The following ART3 variants were observed in gnomAD, a reference collection of about 807,000 sequenced individuals.
ART3 encodes the protein ecto-ADP-ribosyltransferase 3.
In ART3, 49 loss-of-function variants were observed where a neutral mutation model predicts 48.5. The observed-to-expected ratio is 1.01, with a 90% confidence interval of 0.80 to 1.28. The LOEUF is 1.28. ART3 is among the 50% of genes most tolerant of loss of function. The pLI is 0.00. For missense variants in ART3, 438 were observed against 454.3 expected (o/e 0.96, Z 0.33); for synonymous variants, 145 against 157.2 (o/e 0.92, Z 0.58).
intron 1 of ART3, among the ~76,000 whole-genome samples, chr4:76,038,568 G>T (rs1578270248): frequency 6.6e-6 from 1 of 152,216 alleles, no homozygotes; most frequent in South Asian, 2.1e-4. Flanking sequence ...TGTTCTTGGA[G>T]CTCATAAATC....
intron 1 of ART3, among the ~76,000 whole-genome samples, chr4:76,047,521 A>G (rs1294113394): frequency 6.6e-6 from 1 of 151,794 alleles, no homozygotes; most frequent in East Asian, 1.9e-4. Context: ...AGGCAGAAGG[A>G]TTTTCTTCCT....
chr4:76,025,734 A>G (rs1257155401), intron 1 of ART3, among the ~76,000 whole-genome samples: 1 of 152,132 alleles, frequency 6.6e-6, no homozygotes, highest in Non-Finnish European at 1.5e-5. Flanking sequence ...TGAATTAGTA[A>G]TTTGTTTCTC....
intron 1 of ART3, among the ~76,000 whole-genome samples, chr4:76,060,085 A>G (rs1357215867): frequency 1.3e-5 from 2 of 152,290 alleles, no homozygotes; most frequent in Admixed American, 6.5e-5. Flanking sequence ...GTTGCCTTGC[A>G]TGGAGTCAGG....
chr4:76,109,818 C>T (rs4241583), intron 11 of ART3, among the ~76,000 whole-genome samples: 84,160 of 152,094 alleles, frequency 0.55, 25,756 homozygotes, highest in African/African-American at 0.82. Context: ...TGCCTATCCA[C>T]TTCTCTGTGT....
chr4:76,100,411 T>A (rs1229963998), intron 6 of ART3, 91 bp downstream of exon 6: 19 of 1,300,100 alleles, frequency 1.5e-5, no homozygotes, highest in Non-Finnish European at 2.0e-5. Context: ...GGCGGGAGGA[T>A]CATGAGGTCA....
At chr4:76,048,642 TC>T (rs1735744057) in intron 1 of ART3, among the ~76,000 whole-genome samples, 1 of 151,880 alleles carries the variant, frequency 6.6e-6, no homozygotes, top group Non-Finnish European at 1.5e-5. Context: ...ACCCTGCTGA[TC>T]AGAATAGTTG....
intron 1 of ART3, among the ~76,000 whole-genome samples, chr4:76,062,298 T>G (rs567557696): frequency 1.1e-4 from 16 of 152,358 alleles, no homozygotes; most frequent in African/African-American, 3.8e-4. Flanking sequence ...ATTTGACTTA[T>G]GTTCTAATGA....
upstream of ART3, among the ~76,000 whole-genome samples, chr4:76,071,025 A>G (rs948370845): frequency 5.9e-5 from 9 of 151,986 alleles, no homozygotes. Context: ...CTACTAGATC[A>G]TATCCAACAT....
intron 4 of ART3, among the ~76,000 whole-genome samples, chr4:76,098,754 T>C (rs894246835): frequency 6.6e-6 from 1 of 152,100 alleles, no homozygotes; most frequent in Non-Finnish European, 1.5e-5. Flanking sequence ...AGCAAGACTC[T>C]TGTCTCAAAA....
At chr4:76,091,219 C>G (rs991633705) in intron 3 of ART3, among the ~76,000 whole-genome samples, 6 of 152,116 alleles carry the variant, frequency 3.9e-5, no homozygotes, top group African/African-American at 1.4e-4. Flanking sequence ...ATATACAAGT[C>G]TTTGTATGGA....
intron 1 of ART3, chr4:76,034,996 A>T (rs751650301): frequency 1.3e-6 from 2 of 1,523,558 alleles, no homozygotes; most frequent in Admixed American, 3.4e-5. Flanking sequence ...TTTTCAAAAG[A>T]TCTGTCTTGG....
chr4:76,021,572 A>G, intron 1 of ART3: 1 of 233,700 alleles, frequency 4.3e-6, no homozygotes, highest in Non-Finnish European at 8.2e-6. Context: ...TGAGATTCTG[A>G]GAATTCTGAT....
intron 10 of ART3, chr4:76,105,798 G>A: frequency 1.0e-6 from 1 of 985,410 alleles, no homozygotes; most frequent in Non-Finnish European, 1.2e-6. Context: ...TGGAACAGTT[G>A]GCTTCCAGCT....
chr4:76,047,595 C>CT (rs1735635495), intron 1 of ART3, among the ~76,000 whole-genome samples: 1 of 151,868 alleles, frequency 6.6e-6, no homozygotes, highest in African/African-American at 2.4e-5. Context: ...CTCCTTAGTC[C>CT]TTCTAGAACA....
chr4:76,036,260 C>T (rs917930711), intron 1 of ART3: 18 of 379,726 alleles, frequency 4.7e-5, no homozygotes, highest in African/African-American at 3.7e-4. Context: ...TGTGAAAGCA[C>T]TGTGAAAACC....
intron 2 of ART3, among the ~76,000 whole-genome samples, chr4:76,078,947 G>A (rs1024883415): frequency 6.6e-6 from 1 of 152,126 alleles, no homozygotes; most frequent in Non-Finnish European, 1.5e-5. Context: ...CGGGCGTGGT[G>A]GCGGGCGTCT....
intron 1 of ART3, chr4:76,034,521 A>C: frequency 1.9e-6 from 1 of 521,980 alleles, no homozygotes; most frequent in South Asian, 3.2e-5. Flanking sequence ...AGCCTTTCTT[A>C]AGGTAGCTTT....
chr4:76,112,275 T>C, intron 11 of ART3, 111 bp from the exon 12 acceptor site: 1 of 1,338,646 alleles, frequency 7.5e-7, no homozygotes, highest in Non-Finnish European at 1.0e-6. Context: ...TTCAGGTAAG[T>C]TTCTACTTCA....
At chr4:76,073,059 A>G (rs1720485125), upstream of ART3, among the ~76,000 whole-genome samples, 2 of 152,224 alleles carry the variant, frequency 1.3e-5, no homozygotes, top group African/African-American at 4.8e-5. Flanking sequence ...TGCATAATTT[A>G]CGTACTTATT....
Sources: gnomAD v4.1 joint callset for allele counts (sites outside exome capture counted in the v4.1 genomes callset) on GRCh38, gnomAD v4.1.1 for gene constraint, MANE v1.5 for transcripts, NCBI Gene and HGNC (gene_info 2026-07-23, HGNC 2026-07-21) for gene names.